MYO16: variants seen among roughly 807,000 people sequenced by gnomAD.
MYO16 encodes the protein unconventional myosin-XVI.
MYO16 carries 94 observed loss-of-function variants against 205.3 expected under a neutral mutation model. The observed-to-expected ratio is 0.46, with a 90% CI of 0.39 to 0.54. The LOEUF is 0.54. Ranked by LOEUF, MYO16 falls within the 20% of genes least tolerant of loss-of-function variation. MYO16 has a pLI of 0.00. For missense variants in MYO16, 2,315 were observed against 2,387.5 expected, an observed-to-expected ratio of 0.97 and a Z score of 0.63; for synonymous variants, 988 against 954.0, an observed-to-expected ratio of 1.04 and a Z score of -0.66.
At chr13:109,081,107 T>C (rs1296117349) in intron 27 of MYO16, among the ~76,000 whole-genome samples, 1 of 152,194 alleles carries the variant, frequency 6.6e-6, no homozygotes, top group African/African-American at 2.4e-5. Flanking sequence ...CATATATATG[T>C]GAGTCTTATA....
intron 1 of MYO16, among the ~76,000 whole-genome samples, chr13:108,648,069 C>CTTTCATCATAAGAGCATAA (rs1474365249): frequency 1.3e-5 from 2 of 152,184 alleles, no homozygotes; most frequent in African/African-American, 2.4e-5. Flanking sequence ...TAAAGTCTCC[C>CTTTCATCATAAGAGCATAA]TTTCATCATA....
rs1479188028 is a variant in MYO16, at chr13:108,773,907, A to T, written c.508-11728A>T. On this transcript the variant is annotated intron_variant, in intron 4 of 34. Transcript: ENST00000457511. ...ATGTGATTATTCCAGCCTGGCCAAC[A>T]TAGCAAAACCCTGTCTCTACTAAAA... Among the ~76,000 whole-genome samples the T allele has an allele frequency of 3.9e-5, 6 of 152,270 alleles. No individual in the cohort carries two copies. In the East Asian group the frequency reaches 9.7e-4, roughly 25 times the overall value.
intron 12 of MYO16, among the ~76,000 whole-genome samples, chr13:108,878,884 T>G (rs1879459642): frequency 6.6e-6 from 1 of 152,186 alleles, no homozygotes; most frequent in African/African-American, 2.4e-5. Context: ...TAGGGAACTC[T>G]CCCATTTCAT....
At chr13:108,848,098 G>A (rs1162655378) in intron 10 of MYO16, among the ~76,000 whole-genome samples, 1 of 152,092 alleles carries the variant, frequency 6.6e-6, no homozygotes, top group Non-Finnish European at 1.5e-5. Context: ...TGCAAAATGG[G>A]TACATAGGAC....
At chr13:108,628,199 C>T (rs940524846), upstream of MYO16, among the ~76,000 whole-genome samples, 7 of 152,228 alleles carry the variant, frequency 4.6e-5, no homozygotes, top group African/African-American at 1.7e-4. Flanking sequence ...TCCTGAAAAG[C>T]ACCCAAAATG....
intron 4 of MYO16, among the ~76,000 whole-genome samples, chr13:108,747,550 A>G (rs187696470): frequency 4.2e-3 from 634 of 152,178 alleles, no homozygotes; most frequent in African/African-American, 0.015. Flanking sequence ...TCGTGCTAAG[A>G]CAGGATATAA....
Position 109,141,019 on chromosome 13 carries a change from G to A in MYO16, c.4807G>A (p.Gly1603Arg), listed in dbSNP as rs1594120028. 1.5e-6 allele frequency: 2 copies of A among 1,299,774 alleles called. No individual in the cohort carries two copies. The highest frequency in any genetic ancestry group is 1.9e-6 in the Non-Finnish European group (2 of 1,027,890). 80.5% of individuals were successfully genotyped at this position (1,299,774 alleles called of 1,614,324 possible). A position where few individuals can be genotyped will look rare whatever the true frequency, so the allele number is the denominator to read the frequency against. ...GCCGCCCCCGCCCCCGCCCCCGCCC[G>A]GGCCGCCCCCCGCGCCCTACAGGCC... ...STPPPPPPPP[G>R]PPPAPYRPCA... The change falls in exon 32 of 35, where the codon GGG (glycine) becomes AGG (arginine). Residue 1603 changes from glycine to arginine, a missense_variant. Gly to Arg is a moderately radical substitution (Grantham distance 125). Transcript: ENST00000457511. The surrounding 1 kb of genome is among the most constrained non-coding windows in gnomAD (Gnocchi z 4.1).
In MYO16 at chr13:108,972,205, G is replaced by GTCTCTCTCTCTCTCTCTC. The variant is rs749547949; in HGVS notation, c.2369+7331_2369+7348dup. 1.8e-4 allele frequency among the ~76,000 whole-genome samples: 2 copies of GTCTCTCTCTCTCTCTCTC among 11,140 alleles called. 1 individual carries two copies. The highest frequency in any genetic ancestry group is 2.7e-3 in the Admixed American group (2 of 750). 7.3% of individuals were successfully genotyped at this position (11,140 alleles called of 152,430 possible). ...AGCCTGGATGACAGACTGAGACCCT[G>GTCTCTCTCTCTCTCTCTC]TCTCTCTCTCTCTCTCTCTCTCTCT... On this transcript the variant is annotated intron_variant, in intron 20 of 34. Coordinates refer to ENST00000457511, the MANE Select transcript of MYO16 (RefSeq NM_001198950.3).
rs79446466 is a variant in MYO16 at position 108,686,795 on chromosome 13, C to T, written c.292+20646C>T. Among the ~76,000 whole-genome samples the T allele has an allele frequency of 2.4e-3, 363 of 152,286 alleles. 2 individuals carry two copies. Among genetic ancestry groups the T allele is most frequent in the African/African-American group, 8.3e-3 (347 of 41,566 alleles). On this transcript the variant is annotated intron_variant, in intron 2 of 34. Coordinates refer to ENST00000457511, the MANE Select transcript of MYO16 (RefSeq NM_001198950.3). The stretch of plus-strand genomic sequence containing the variant: ...TTTCCTGGTCGATCTGGATGTTCAG[C>T]GGCCTGAGGACAATGCCGCAGCAGT...
intron 32 of MYO16, among the ~76,000 whole-genome samples, chr13:109,154,793 G>T (rs1345508992): frequency 6.6e-6 from 1 of 151,374 alleles, no homozygotes; most frequent in Non-Finnish European, 1.5e-5. Context: ...CTGGCATTGA[G>T]GAAATGTAAA....
chr13:108,708,533 G>A (rs1351601015), intron 2 of MYO16, among the ~76,000 whole-genome samples: 1 of 152,190 alleles, frequency 6.6e-6, no homozygotes, highest in African/African-American at 2.4e-5. Flanking sequence ...TTTACCAATT[G>A]CTAACTTCTT....
chr13:108,634,504 C>T (rs567813633), intron 1 of MYO16, among the ~76,000 whole-genome samples: 6 of 152,142 alleles, frequency 3.9e-5, no homozygotes, highest in Non-Finnish European at 5.9e-5. Context: ...TCTCTTCCCT[C>T]GGGCCACCAC....
At chr13:108,662,726 A>T (rs1881559436) in intron 1 of MYO16, among the ~76,000 whole-genome samples, 1 of 152,182 alleles carries the variant, frequency 6.6e-6, no homozygotes, top group African/African-American at 2.4e-5. Flanking sequence ...AAAGGGCTTT[A>T]GTTCTTTCCC....
chr13:109,161,469 G>A (rs1483753562), intron 32 of MYO16, among the ~76,000 whole-genome samples: 3 of 152,104 alleles, frequency 2.0e-5, no homozygotes, highest in Non-Finnish European at 2.9e-5. Flanking sequence ...ATCTCATCTC[G>A]AAAATAGGTG....
chr13:108,832,815 A>G (rs1004209510), intron 9 of MYO16, among the ~76,000 whole-genome samples: 2 of 152,184 alleles, frequency 1.3e-5, no homozygotes, highest in African/African-American at 4.8e-5. Flanking sequence ...TTAGTAATCT[A>G]TAAAACATCA....
the MYO16 span, among the ~76,000 whole-genome samples, chr13:108,523,131 C>T: frequency 6.6e-6 from 1 of 152,132 alleles, no homozygotes; most frequent in Non-Finnish European, 1.5e-5. Context: ...GCCCCAGTGA[C>T]AGTGAAACAG....
intron 4 of MYO16, among the ~76,000 whole-genome samples, chr13:108,757,463 A>T (rs1005966843): frequency 2.0e-5 from 3 of 151,728 alleles, no homozygotes; most frequent in Non-Finnish European, 4.4e-5. Flanking sequence ...TGTTTTTATG[A>T]CCAAGCTAGT....
intron 1 of MYO16, among the ~76,000 whole-genome samples, chr13:108,630,142 G>GAA (rs76743419): frequency 2.4e-5 from 3 of 126,274 alleles, no homozygotes; most frequent in South Asian, 2.4e-4. Context: ...ACAGCAACCA[G>GAA]AAAAAAAAAA....
At chr13:108,864,365 C>T (rs1339555980) in intron 11 of MYO16, among the ~76,000 whole-genome samples, 1 of 151,846 alleles carries the variant, frequency 6.6e-6, no homozygotes, top group Non-Finnish European at 1.5e-5. Flanking sequence ...ATTTTAATTC[C>T]TTTTTAACTC....
Sources: gnomAD v4.1 joint callset for allele counts (sites outside exome capture counted in the v4.1 genomes callset) on GRCh38, gnomAD v4.1.1 for gene constraint, Gnocchi (gnomAD v3.1) non-coding constraint, MANE v1.5 for transcripts, NCBI Gene and HGNC (gene_info 2026-07-23, HGNC 2026-07-21) for gene names.